The following FOXP2 variants were observed in gnomAD, a reference collection of about 807,000 sequenced individuals.
FOXP2 encodes forkhead box protein P2.
FOXP2 carries 12 observed loss-of-function variants against 115.8 expected under a neutral mutation model. That is an observed-to-expected ratio of 0.10 (90% CI 0.07 to 0.17). The LOEUF is 0.17. Among genes scored for constraint, FOXP2 ranks in the 10% least tolerant of loss-of-function variants. The pLI is 1.00. For synonymous variants in FOXP2, 328 were observed against 297.7 expected (o/e 1.10, Z -1.05); for missense variants, 629 against 843.5 (o/e 0.75, Z 3.15).
At chr7:114,441,119 T>G (rs1255692764) in intron 2 of FOXP2, among the ~76,000 whole-genome samples, 2 of 152,096 alleles carry the variant, frequency 1.3e-5, no homozygotes, top group Admixed American at 1.3e-4. Context: ...ATAAAACTAG[T>G]CACTGTAATG....
At chr7:114,393,149 G>T (rs973166133) in intron 2 of FOXP2, among the ~76,000 whole-genome samples, 4 of 151,438 alleles carry the variant, frequency 2.6e-5, no homozygotes, top group Non-Finnish European at 5.9e-5. Flanking sequence ...AATTGTTCTG[G>T]ATAAGTTATT....
chr7:114,525,656 C>T (rs878904243), intron 2 of FOXP2, among the ~76,000 whole-genome samples: 4 of 152,104 alleles, frequency 2.6e-5, no homozygotes, highest in Admixed American at 2.0e-4. Context: ...TGAGACCATC[C>T]ACTGTGAGCT....
At chr7:114,453,975 A>G (rs868154704) in intron 2 of FOXP2, among the ~76,000 whole-genome samples, 3 of 152,164 alleles carry the variant, frequency 2.0e-5, no homozygotes, top group Non-Finnish European at 4.4e-5. Context: ...CTTCATGTCC[A>G]AAACACCAAA....
chr7:114,086,463 G>A, upstream of FOXP2: 1 of 341,910 alleles, frequency 2.9e-6, no homozygotes, highest in Non-Finnish European at 5.7e-6. Flanking sequence ...GCTGGCTGCG[G>A]CTTCCTCGGC....
chr7:114,117,845 C>G (rs1791451122), intron 1 of FOXP2, among the ~76,000 whole-genome samples: 2 of 152,108 alleles, frequency 1.3e-5, no homozygotes. Flanking sequence ...GGTGAGGCCC[C>G]TCTTCTGGTT....
intron 14 of FOXP2, among the ~76,000 whole-genome samples, chr7:114,663,034 TTGTTA>T (rs1806959856): frequency 6.6e-6 from 1 of 152,140 alleles, no homozygotes; most frequent in Non-Finnish European, 1.5e-5. Flanking sequence ...CTATGGTAAT[TTGTTA>T]TGTTAATTCA....
At position 114,319,177 on chromosome 7, in the gene FOXP2, C is replaced by A. The variant is rs375948599; in HGVS notation, c.-11+31068C>A. 2.4e-3 allele frequency among the ~76,000 whole-genome samples: 362 copies of A among 151,896 alleles called. 1 individual carries two copies. Among genetic ancestry groups the A allele is most frequent in the African/African-American group, 8.0e-3 (332 of 41,394 alleles). On this transcript the variant is annotated intron_variant, in intron 2 of 17. Transcript: ENST00000634411. ...GATGGGGGGTTGGGGGGGCGGGTCCCTCACGTGGGAAACTTGTTTATACTG... is the reference window on the plus strand; with the variant it reads ...GATGGGGGGTTGGGGGGGCGGGTCCATCACGTGGGAAACTTGTTTATACTG...
chr7:114,394,940 C>T (rs543649658), intron 2 of FOXP2, among the ~76,000 whole-genome samples: 61 of 152,214 alleles, frequency 4.0e-4, no homozygotes, highest in Non-Finnish European at 7.8e-4. Context: ...AGCATTAGAT[C>T]GTGTGAATAA....
chr7:114,211,918 C>CA (rs1397425918), intron 1 of FOXP2, among the ~76,000 whole-genome samples: 2 of 151,894 alleles, frequency 1.3e-5, no homozygotes, highest in African/African-American at 4.8e-5. Context: ...ACTAAAAATA[C>CA]AAAAATTAGC....
intron 1 of FOXP2, chr7:114,416,536 T>C (rs1793353561): frequency 6.7e-6 from 1 of 150,078 alleles, no homozygotes; most frequent in South Asian, 2.1e-4. Context: ...AAAAGCACTC[T>C]ATTTAATGTG....
intron 2 of FOXP2, among the ~76,000 whole-genome samples, chr7:114,462,423 G>C (rs1246875306): frequency 2.4e-5 from 3 of 123,094 alleles, no homozygotes; most frequent in African/African-American, 9.3e-5. Context: ...CCAGGCTGAA[G>C]TGCATTGGCG....
chr7:114,246,860 T>C (rs1795297679), intron 1 of FOXP2, among the ~76,000 whole-genome samples: 1 of 152,146 alleles, frequency 6.6e-6, no homozygotes, highest in Admixed American at 6.5e-5. Context: ...AAATGTGCAG[T>C]GGACTGTTAA....
At chr7:114,597,604 T>C (rs1419717846) in intron 3 of FOXP2, among the ~76,000 whole-genome samples, 1 of 152,026 alleles carries the variant, frequency 6.6e-6, no homozygotes, top group Non-Finnish European at 1.5e-5. Context: ...CTAGACAGAG[T>C]TGTGTAAGTT....
intron 2 of FOXP2, chr7:114,297,054 AT>A (rs879207214): frequency 0.076 from 23,851 of 312,474 alleles, 44 homozygotes; most frequent in South Asian, 0.11. Context: ...CACTATATGC[AT>A]TTTTTTTTTT....
At chr7:114,591,625 G>T (rs1802442444) in intron 3 of FOXP2, among the ~76,000 whole-genome samples, 1 of 151,854 alleles carries the variant, frequency 6.6e-6, no homozygotes, top group South Asian at 2.1e-4. Context: ...ATGACCTCAG[G>T]GAAGGCATTT....
intron 1 of FOXP2, among the ~76,000 whole-genome samples, chr7:114,098,290 A>G (rs551569542): frequency 6.6e-6 from 1 of 152,318 alleles, no homozygotes; most frequent in South Asian, 2.1e-4. Context: ...ACTTTCAAAA[A>G]CCATAGATGG....
At chr7:114,273,792 C>G (rs1796120652) in intron 1 of FOXP2, among the ~76,000 whole-genome samples, 1 of 151,982 alleles carries the variant, frequency 6.6e-6, no homozygotes, top group Non-Finnish European at 1.5e-5. Flanking sequence ...TGCTATATTT[C>G]TTTATCCATT....
intron 2 of FOXP2, among the ~76,000 whole-genome samples, chr7:114,325,717 G>A (rs987634877): frequency 6.6e-6 from 1 of 152,110 alleles, no homozygotes; most frequent in Admixed American, 6.5e-5. Context: ...AATAGGAATG[G>A]ATCACAGAAA....
upstream of FOXP2, chr7:114,086,518 C>T (rs961845872): frequency 2.6e-6 from 1 of 388,366 alleles, no homozygotes. Flanking sequence ...CAGCAGCTGC[C>T]CGGACTCGCG....
Sources: gnomAD v4.1 joint callset for allele counts (sites outside exome capture counted in the v4.1 genomes callset) on GRCh38, gnomAD v4.1.1 for gene constraint, MANE v1.5 for transcripts, NCBI Gene and HGNC (gene_info 2026-07-23, HGNC 2026-07-21) for gene names.